Variants in GPHN observed in about 807,000 individuals in gnomAD.
GPHN encodes the protein gephyrin.
GPHN carries 17 observed loss-of-function variants against 95.5 expected under a neutral mutation model. That is an observed-to-expected ratio of 0.18 (90% CI 0.12 to 0.27). The LOEUF (loss-of-function observed/expected upper bound fraction) is 0.27, where lower values mean the gene tolerates loss of function less well. GPHN is among the 10% of genes least tolerant of loss of function. GPHN has a pLI of 1.00. For missense variants in GPHN, 660 were observed against 978.1 expected, an observed-to-expected ratio of 0.67 and a Z score of 4.34; for synonymous variants, 320 against 322.5, an observed-to-expected ratio of 0.99 and a Z score of 0.08.
At chr14:67,481,388 T>TAGTA in the GPHN span, among the ~76,000 whole-genome samples, 1 of 151,666 alleles carries the variant, frequency 6.6e-6, no homozygotes. Flanking sequence ...AAGCCATGGG[T>TAGTA]AGTAGATGGA....
intron 10 of GPHN, among the ~76,000 whole-genome samples, chr14:67,030,697 T>G (rs1730715502): frequency 6.6e-6 from 1 of 152,168 alleles, no homozygotes. Context: ...CCTACTTTAT[T>G]GCAAGAGTAT....
the GPHN span, among the ~76,000 whole-genome samples, chr14:67,600,868 C>T: frequency 5.3e-5 from 8 of 152,204 alleles, no homozygotes; most frequent in African/African-American, 1.9e-4. Context: ...CGTGAGCCAC[C>T]GCACCCAGCC....
chr14:67,622,497 C>T, the GPHN span, among the ~76,000 whole-genome samples: 1 of 152,184 alleles, frequency 6.6e-6, no homozygotes, highest in African/African-American at 2.4e-5. Context: ...ACTAAGGCCT[C>T]TCTTAGTCAT....
chr14:66,584,657 C>T (rs368092207), intron 1 of GPHN, among the ~76,000 whole-genome samples: 3 of 151,888 alleles, frequency 2.0e-5, no homozygotes, highest in Non-Finnish European at 4.4e-5. Flanking sequence ...ATGTGGTTTT[C>T]GTCTTTGGTT....
chr14:67,412,822 T>A, the GPHN span, among the ~76,000 whole-genome samples: 1 of 152,124 alleles, frequency 6.6e-6, no homozygotes, highest in Non-Finnish European at 1.5e-5. Context: ...TGGAGTGCAG[T>A]GGTGTGATCA....
At chr14:67,120,449 A>G (rs947513659) in intron 16 of GPHN, among the ~76,000 whole-genome samples, 28 of 152,002 alleles carry the variant, frequency 1.8e-4, no homozygotes, top group Middle Eastern at 3.2e-3. Context: ...TTAACTAGCT[A>G]TTTTTTCGTT....
chr14:67,642,167 A>G, the GPHN span: 26 of 1,610,944 alleles, frequency 1.6e-5, no homozygotes, highest in East Asian at 2.0e-4. Context: ...TCATCTTGTC[A>G]TCCCTCATTT....
At chr14:67,196,202 T>C in the GPHN span, among the ~76,000 whole-genome samples, 2 of 151,292 alleles carry the variant, frequency 1.3e-5, no homozygotes, top group South Asian at 2.1e-4. Flanking sequence ...TTTTCTTTCC[T>C]TTCTTTTCTT....
the GPHN span, among the ~76,000 whole-genome samples, chr14:67,720,177 G>C: frequency 6.6e-6 from 1 of 152,226 alleles, no homozygotes; most frequent in South Asian, 2.1e-4. Flanking sequence ...TCATATGAGT[G>C]AGGGTGAAGA....
the GPHN span, among the ~76,000 whole-genome samples, chr14:67,694,273 C>T: frequency 3.9e-5 from 6 of 152,110 alleles, no homozygotes; most frequent in African/African-American, 1.2e-4. Context: ...CTGTTTCCCA[C>T]ATCCCCTTAC....
intron 1 of GPHN, among the ~76,000 whole-genome samples, chr14:66,627,074 GC>G (rs1456243526): frequency 6.6e-6 from 1 of 151,824 alleles, no homozygotes; most frequent in Non-Finnish European, 1.5e-5. Flanking sequence ...AGGATAGATA[GC>G]AATATATGAC....
At chr14:67,595,703 C>T in the GPHN span, among the ~76,000 whole-genome samples, 1 of 152,342 alleles carries the variant, frequency 6.6e-6, no homozygotes, top group African/African-American at 2.4e-5. Context: ...ATACCTGGAA[C>T]TACTATGGCC....
At chr14:67,693,893 C>T in the GPHN span, among the ~76,000 whole-genome samples, 5 of 152,188 alleles carry the variant, frequency 3.3e-5, no homozygotes, top group South Asian at 6.2e-4. Context: ...TCAGGTGATC[C>T]GCCCACCTCA....
intron 1 of GPHN, among the ~76,000 whole-genome samples, chr14:66,544,039 A>C (rs2059445538): frequency 6.6e-6 from 1 of 152,174 alleles, no homozygotes; most frequent in African/African-American, 2.4e-5. Flanking sequence ...ACCACCTGTT[A>C]GTTTTTTCTG....
chr14:67,486,245 A>T, the GPHN span, among the ~76,000 whole-genome samples: 10 of 152,096 alleles, frequency 6.6e-5, no homozygotes, highest in Non-Finnish European at 1.3e-4. Flanking sequence ...TTCTTGTGAT[A>T]GTGAATAAAT....
chr14:67,661,360 A>T, the GPHN span, among the ~76,000 whole-genome samples: 1 of 151,236 alleles, frequency 6.6e-6, no homozygotes, highest in East Asian at 1.9e-4. Flanking sequence ...CTGTTCAGTA[A>T]ACGGAACCAA....
the GPHN span, among the ~76,000 whole-genome samples, chr14:67,398,465 C>A: frequency 1.3e-5 from 2 of 152,310 alleles, no homozygotes; most frequent in South Asian, 2.1e-4. Flanking sequence ...TGAGAGCCAC[C>A]TAAACTACCC....
At chr14:67,320,464 A>C in the GPHN span, 184 of 1,388,898 alleles carry the variant, frequency 1.3e-4, no homozygotes, top group Non-Finnish European at 1.6e-4. Context: ...TAACTATATC[A>C]TGTAGGGAAA....
At chr14:67,126,581 T>G (rs546301292) in intron 17 of GPHN, among the ~76,000 whole-genome samples, 1 of 152,064 alleles carries the variant, frequency 6.6e-6, no homozygotes, top group Non-Finnish European at 1.5e-5. Context: ...ACAGGTAAAT[T>G]GAGTAGAAAT....
Sources: gnomAD v4.1 joint callset for allele counts (sites outside exome capture counted in the v4.1 genomes callset) on GRCh38, gnomAD v4.1.1 for gene constraint, MANE v1.5 for transcripts, NCBI Gene and HGNC (gene_info 2026-07-23, HGNC 2026-07-21) for gene names.